C3AR1: variants seen among roughly 807,000 people sequenced by gnomAD.
The protein encoded by C3AR1 is complement C3a receptor 1, also known as C3a anaphylatoxin chemotactic receptor.
For synonymous variants in C3AR1, 208 were observed against 225.3 expected (o/e 0.92, Z 0.69); for missense variants, 579 against 583.5 (o/e 0.99, Z 0.08).
intron 1 of C3AR1, among the ~76,000 whole-genome samples, chr12:8,063,665 T>G (rs1947299535): frequency 6.6e-6 from 1 of 152,228 alleles, no homozygotes; most frequent in Non-Finnish European, 1.5e-5. Flanking sequence ...TTATAATGGC[T>G]GTCTAATCTA....
intron 1 of C3AR1, among the ~76,000 whole-genome samples, chr12:8,063,987 G>T (rs764173534): frequency 6.6e-6 from 1 of 151,924 alleles, no homozygotes; most frequent in Non-Finnish European, 1.5e-5. Context: ...CACGAGAATC[G>T]CTTGAACTGG....
In C3AR1 at chr12:8,059,851, A is replaced by G; in HGVS notation, c.335T>C (p.Leu112Pro). ...GCGATCCAGGCTAATGGCAGTAAGCAGGAAGACACTGGCAAACATGTTGAG... is the reference window on the plus strand; with the variant it reads ...GCGATCCAGGCTAATGGCAGTAAGCGGGAAGACACTGGCAAACATGTTGAG... Reference protein sequence around the residue: ...IVLNMFASVFLLTAISLDRCL... With the variant: ...IVLNMFASVFPLTAISLDRCL... Residue 112 changes from leucine to proline, a missense_variant, in exon 2 of 2, where the codon CTG becomes CCG. Transcript: ENST00000307637. The G allele has an allele frequency of 6.2e-7, 1 of 1,614,222 alleles. No homozygotes were observed. Among genetic ancestry groups the G allele is most frequent in the Non-Finnish European group, 8.5e-7 (1 of 1,180,032 alleles).
rs1947211888 is a variant in C3AR1, at chr12:8,058,060, TTGTAATAGTGGAAACTCTA to T, written c.*658_*676del. On this transcript the variant is annotated 3_prime_UTR_variant, in exon 2 of 2. Transcript: ENST00000307637. ...TTTCACACAATAGATGCTTATTTAG[TTGTAATAGTGGAAACTCTA>T]TGTAATAGTGGAAATTTCTATATCC... is the stretch of plus-strand genomic sequence containing the variant. Among the ~76,000 whole-genome samples the T allele has an allele frequency of 6.6e-6, 1 of 152,286 alleles. No individual in the cohort carries two copies. Among genetic ancestry groups the T allele is most frequent in the East Asian group, 1.9e-4 (1 of 5,188 alleles).
rs1947253971 is a variant in C3AR1, at chr12:8,059,918, A to T, written c.268T>A (p.Tyr90Asn). ...AHLALQGQWPYGRFLCKLIPS... is the reference protein window; with the variant it reads ...AHLALQGQWPNGRFLCKLIPS... ...ATGAGCTTGCATAGGAACCTGCCGT[A>T]GGGCCACTGTCCCTGGAGAGCCAAG... The change falls in exon 2 of 2, where the codon TAC becomes AAC. Residue 90 changes from tyrosine to asparagine, a missense_variant. Physicochemically the swap from Tyr to Asn is moderately radical, Grantham distance 143 (BLOSUM62 -2). Transcript: ENST00000307637. The T allele has an allele frequency of 6.2e-7, 1 of 1,614,114 alleles. No homozygotes were observed.
chr12:8,061,158 C>G (rs778459912), intron 1 of C3AR1, among the ~76,000 whole-genome samples: 4 of 152,280 alleles, frequency 2.6e-5, no homozygotes, highest in African/African-American at 9.6e-5. Context: ...TTCCTCACTA[C>G]CTATCATTTC....
chr12:8,058,689 C>T lies in C3AR1; in HGVS notation c.*48G>A, dbSNP rs1163259543. Reference sequence around the variant, plus strand: ...ATCACTTCATCCTCTTATAAACTTTCACTATGTGATTGCCTAAGAGCCCCT... The same window carrying T: ...ATCACTTCATCCTCTTATAAACTTTTACTATGTGATTGCCTAAGAGCCCCT... On this transcript the variant is annotated 3_prime_UTR_variant, in exon 2 of 2. Coordinates refer to ENST00000307637, the MANE Select transcript of C3AR1 (RefSeq NM_004054.4). The T allele has an allele frequency of 6.5e-7, 1 of 1,543,554 alleles. No homozygotes were observed. Among genetic ancestry groups the T allele is most frequent in the Non-Finnish European group, 8.7e-7 (1 of 1,146,696 alleles).
At chr12:8,063,561 C>T (rs11567793) in intron 1 of C3AR1, among the ~76,000 whole-genome samples, 6,005 of 152,252 alleles carry the variant, frequency 0.039, 182 homozygotes, top group Middle Eastern at 0.085. Flanking sequence ...ATGCCCTTCA[C>T]CAAGTCTTCA....
intron 1 of C3AR1, among the ~76,000 whole-genome samples, chr12:8,061,927 A>G (rs956321533): frequency 2.6e-5 from 4 of 151,902 alleles, no homozygotes; most frequent in African/African-American, 9.7e-5. Flanking sequence ...AGAATTCCCC[A>G]TTTTCTCCTT....
In C3AR1 at chr12:8,058,271, C is replaced by A. The variant is rs1045485674; in HGVS notation, c.*466G>T. ...AGCATTAGGATATATGATCATCTTT[C>A]ACTCACGTAGGAGAACAAGAAATGG... On this transcript the variant is annotated 3_prime_UTR_variant, in exon 2 of 2. Coordinates refer to ENST00000307637, the MANE Select transcript of C3AR1 (RefSeq NM_004054.4). 6.4e-6 allele frequency: 1 copy of A among 156,314 alleles called. No homozygotes were observed. Among genetic ancestry groups the A allele is most frequent in the Non-Finnish European group, 1.4e-5 (1 of 70,488 alleles). 9.7% of individuals were successfully genotyped at this position (156,314 alleles called of 1,614,324 possible).
chr12:8,061,595 T>C (rs934998489), intron 1 of C3AR1, among the ~76,000 whole-genome samples: 49 of 152,176 alleles, frequency 3.2e-4, no homozygotes, highest in Admixed American at 3.1e-3. Context: ...CCTGAGTAGC[T>C]GGGACTGCAG....
intron 1 of C3AR1, among the ~76,000 whole-genome samples, chr12:8,063,626 G>GC: frequency 6.6e-6 from 1 of 152,122 alleles, no homozygotes; most frequent in South Asian, 2.1e-4. Context: ...TATTCTATAT[G>GC]CAATGACACA....
In C3AR1 at chr12:8,056,949, T is replaced by C. The variant is rs987115606; in HGVS notation, c.*1788A>G. 6.6e-6 allele frequency among the ~76,000 whole-genome samples: 1 copy of C among 152,216 alleles called. No individual in the cohort carries two copies. The highest frequency in any genetic ancestry group is 1.5e-5 in the Non-Finnish European group (1 of 68,032). ...TAAGCTGGAAAGGTAGCACTTCAAA[T>C]CTTATGTCAGACATTCTTCACAACT... On this transcript the variant is annotated 3_prime_UTR_variant, in exon 2 of 2. Coordinates refer to ENST00000307637, the MANE Select transcript of C3AR1 (RefSeq NM_004054.4).
Position 8,060,082 on chromosome 12 carries a change from A to G in C3AR1, c.104T>C (p.Leu35Ser). 6.2e-7 allele frequency: 1 copy of G among 1,614,168 alleles called. No individual in the cohort carries two copies. The highest frequency in any genetic ancestry group is 8.5e-7 in the Non-Finnish European group (1 of 1,180,016). The change falls in exon 2 of 2, where the codon TTA (leucine) becomes TCA (serine). Residue 35 changes from leucine to serine, a missense_variant. Transcript: ENST00000307637. The part of the protein sequence containing the change: ...LSMVILSLTF[L>S]LGLPGNGLVL... ...CAGCCCATTGCCTGGCAATCCCAGT[A>G]AAAAAGTAAGGCTGAGAATGACCAT...
intron 1 of C3AR1, among the ~76,000 whole-genome samples, chr12:8,062,982 G>T (rs1947291300): frequency 1.2e-5 from 1 of 83,148 alleles, no homozygotes; most frequent in African/African-American, 5.9e-5. Flanking sequence ...TTTTGTGATG[G>T]AGTCTCGCTC....
In C3AR1 at chr12:8,059,878, A is replaced by G; in HGVS notation, c.308T>C (p.Val103Ala). Residue 103 changes from valine to alanine, a missense_variant, in exon 2 of 2, where the codon GTC (valine) becomes GCC (alanine). By Grantham distance (64) the Val-to-Ala change is moderately conservative (BLOSUM62 0). Transcript: ENST00000307637. ...FLCKLIPSII[V>A]LNMFASVFLL... The stretch of plus-strand genomic sequence containing the variant: ...GAAGACACTGGCAAACATGTTGAGG[A>G]CAATGATGGAGGGGATGAGCTTGCA... 1 of 1,614,206 alleles carries G rather than the reference A, an allele frequency of 6.2e-7. No individual in the cohort carries two copies. The highest frequency in any genetic ancestry group is 2.2e-5 in the East Asian group (1 of 44,888).
Position 8,058,675 on chromosome 12 carries a change from C to G in C3AR1, c.*62G>C, listed in dbSNP as rs201070955. ...CCGCTGCTCACCATATCACTTCATCCTCTTATAAACTTTCACTATGTGATT... is the reference window on the plus strand; with the variant it reads ...CCGCTGCTCACCATATCACTTCATCGTCTTATAAACTTTCACTATGTGATT... On this transcript the variant is annotated 3_prime_UTR_variant, in exon 2 of 2. Transcript: ENST00000307637. 14 of 1,523,060 alleles carry G rather than the reference C, an allele frequency of 9.2e-6. No homozygotes were observed. The East Asian group carries it at 2.9e-4, about 32-fold the overall frequency. The allele number at this position is 1,523,060 out of a possible 1,614,324, so 94.3% of individuals were successfully genotyped here. A position where few individuals can be genotyped will look rare whatever the true frequency, so the allele number is the denominator to read the frequency against.
At chr12:8,061,056 G>A (rs984093533) in intron 1 of C3AR1, among the ~76,000 whole-genome samples, 4 of 152,188 alleles carry the variant, frequency 2.6e-5, no homozygotes, top group African/African-American at 4.8e-5. Context: ...GCCACAGAAA[G>A]AGGTACTCTA....
intron 1 of C3AR1, among the ~76,000 whole-genome samples, chr12:8,064,624 G>A (rs1488098546): frequency 6.6e-6 from 1 of 151,336 alleles, no homozygotes; most frequent in Non-Finnish European, 1.5e-5. Flanking sequence ...GGGAGGCAGA[G>A]GTTGTGGTGA....
At chr12:8,062,108 T>A (rs1947280039) in intron 1 of C3AR1, among the ~76,000 whole-genome samples, 1 of 152,228 alleles carries the variant, frequency 6.6e-6, no homozygotes, top group Admixed American at 6.5e-5. Flanking sequence ...CAGAATTTTC[T>A]TTCTTTTTAA....
Sources: gnomAD v4.1 joint callset for allele counts (sites outside exome capture counted in the v4.1 genomes callset) on GRCh38, gnomAD v4.1.1 for gene constraint, MANE v1.5 for transcripts, NCBI Gene and HGNC (gene_info 2026-07-23, HGNC 2026-07-21) for gene names.